The following SLC25A36 variants were observed in gnomAD, a reference collection of about 807,000 sequenced individuals.
SLC25A36 encodes epididymis secretory sperm binding protein.
SLC25A36 carries 24 observed loss-of-function variants against 35.3 expected under a neutral mutation model. The ratio of observed to expected loss-of-function variants is 0.68; its 90% CI spans 0.49 to 0.96. SLC25A36 has a LOEUF of 0.96. Among genes scored for constraint, SLC25A36 ranks in the 40% least tolerant of loss-of-function variants. The pLI is 0.00. For missense variants in SLC25A36, 294 were observed against 381.1 expected (o/e 0.77, Z 1.90); for synonymous variants, 141 against 132.2 (o/e 1.07, Z -0.46).
chr3:140,973,479 C>T (rs750028458), intron 5 of SLC25A36, among the ~76,000 whole-genome samples: 1 of 151,832 alleles, frequency 6.6e-6, no homozygotes, highest in African/African-American at 2.4e-5. Flanking sequence ...GACATGAGAC[C>T]GAAGATTCAG....
chr3:140,946,830 TG>T (rs1934178507), intron 1 of SLC25A36, among the ~76,000 whole-genome samples: 1 of 152,166 alleles, frequency 6.6e-6, no homozygotes, highest in African/African-American at 2.4e-5. Flanking sequence ...ATTGTTTAAG[TG>T]ATTGGATTAC....
chr3:140,951,095 T>G (rs1052245901), intron 1 of SLC25A36, among the ~76,000 whole-genome samples: 3 of 152,154 alleles, frequency 2.0e-5, no homozygotes, highest in Admixed American at 2.0e-4. Flanking sequence ...AACTGCTGCT[T>G]TTTGGTATTT....
intron 1 of SLC25A36, chr3:140,942,516 G>A (rs1175743171): frequency 6.3e-6 from 1 of 159,112 alleles, no homozygotes; most frequent in African/African-American, 2.4e-5. Context: ...GCAGGCGTCG[G>A]GGATCCAGGG....
chr3:140,943,785 A>G (rs895208937), intron 1 of SLC25A36, among the ~76,000 whole-genome samples: 6 of 152,230 alleles, frequency 3.9e-5, no homozygotes, highest in Non-Finnish European at 8.8e-5. Context: ...TTAGTTAAAA[A>G]TGGGGCATAC....
At position 140,941,852 on chromosome 3, in the gene SLC25A36, C is replaced by CGG; in HGVS notation, c.-202_-201dup. 1 of 509,698 alleles carries CGG rather than the reference C, an allele frequency of 2.0e-6. No homozygotes were observed. Among genetic ancestry groups the CGG allele is most frequent in the South Asian group, 2.5e-5 (1 of 39,558 alleles). The allele number at this position is 509,698 out of a possible 1,614,324, so 31.6% of individuals were successfully genotyped here. A position where few individuals can be genotyped will look rare whatever the true frequency, so the allele number is the denominator to read the frequency against. ...GTCGCTTTCAGCCTCTGGTGAAGGG[C>CGG]GGCGCGCTTAGGCAGGCGGTGGCGC... On this transcript the variant is annotated 5_prime_UTR_variant, in exon 1 of 7. Coordinates refer to ENST00000324194, the MANE Select transcript of SLC25A36 (RefSeq NM_001104647.3).
chr3:140,967,118 A>G, intron 4 of SLC25A36: 3 of 449,026 alleles, frequency 6.7e-6, no homozygotes, highest in South Asian at 4.7e-5. Context: ...TGGAATTAGA[A>G]GGCGGGAAAT....
At chr3:140,971,751 G>A (rs1019315635) in intron 5 of SLC25A36, among the ~76,000 whole-genome samples, 2 of 152,136 alleles carry the variant, frequency 1.3e-5, no homozygotes, top group East Asian at 3.9e-4. Flanking sequence ...CTTAAGTAAC[G>A]AGATGGTCCT....
rs11282181 is a variant in SLC25A36 at position 140,980,419 on chromosome 3, T to TTGTAGG, written c.*3968_*3969insTAGGTG. Among the ~76,000 whole-genome samples the TTGTAGG allele has an allele frequency of 0.99, 151,017 of 152,236 alleles. 74,926 individuals are homozygous for TTGTAGG. The highest frequency in any genetic ancestry group is 1 in the Middle Eastern group (294 of 294). On this transcript the variant is annotated 3_prime_UTR_variant, in exon 7 of 7. Coordinates refer to ENST00000324194, the MANE Select transcript of SLC25A36 (RefSeq NM_001104647.3). ...AGTTAACATCAAACATTGTCCAGTCTTGAGGAAACCAGGACGAAATATATT... is the reference window on the plus strand; with the variant it reads ...AGTTAACATCAAACATTGTCCAGTCTTGTAGGTGAGGAAACCAGGACGAAATATATT...
intron 4 of SLC25A36, among the ~76,000 whole-genome samples, chr3:140,967,785 A>G (rs1350059078): frequency 1.3e-5 from 2 of 151,934 alleles, no homozygotes; most frequent in African/African-American, 4.8e-5. Flanking sequence ...CATACTAACC[A>G]TCCTACTAAG....
chr3:140,956,293 A>C (rs1377518419), intron 1 of SLC25A36, among the ~76,000 whole-genome samples: 1 of 152,226 alleles, frequency 6.6e-6, no homozygotes, highest in African/African-American at 2.4e-5. Flanking sequence ...AGTGTTTAGC[A>C]GTTATTCTTG....
At chr3:140,945,291 C>G (rs1276238728) in intron 1 of SLC25A36, among the ~76,000 whole-genome samples, 4 of 152,198 alleles carry the variant, frequency 2.6e-5, no homozygotes, top group Non-Finnish European at 5.9e-5. Flanking sequence ...CTAATACTAT[C>G]ACCTTGGGAT....
intron 2 of SLC25A36, among the ~76,000 whole-genome samples, chr3:140,958,960 TTGTGTGTGTGTGTGTGTGTG>T (rs377492880): frequency 0.02 from 2,274 of 112,630 alleles, 107 homozygotes; most frequent in Admixed American, 0.12. Context: ...AAACAATGTT[TTGTGTGTGTGTGTGTGTGTG>T]TGTGTGTGTG....
intron 4 of SLC25A36, chr3:140,967,046 G>T (rs1158898974): frequency 2.2e-6 from 1 of 456,260 alleles, no homozygotes; most frequent in East Asian, 7.0e-5. Context: ...CGTGAGTACT[G>T]ATCTGAGCAT....
intron 1 of SLC25A36, among the ~76,000 whole-genome samples, chr3:140,946,722 T>C (rs1222377207): frequency 6.6e-6 from 1 of 152,152 alleles, no homozygotes; most frequent in Non-Finnish European, 1.5e-5. Context: ...TCAACTGAGA[T>C]GGGCAAGATT....
intron 1 of SLC25A36, among the ~76,000 whole-genome samples, chr3:140,943,847 T>G (rs1216695561): frequency 6.6e-6 from 1 of 152,202 alleles, no homozygotes; most frequent in East Asian, 1.9e-4. Context: ...CACTTTGGAT[T>G]AGGATCATCA....
At chr3:140,954,989 T>A (rs565422202) in intron 1 of SLC25A36, among the ~76,000 whole-genome samples, 6 of 152,254 alleles carry the variant, frequency 3.9e-5, no homozygotes, top group Non-Finnish European at 8.8e-5. Context: ...TAAACTTAGG[T>A]CTGTGATCCA....
intron 4 of SLC25A36, chr3:140,965,510 A>G (rs1934737724): frequency 6.6e-6 from 1 of 151,812 alleles, no homozygotes; most frequent in East Asian, 1.9e-4. Context: ...ACTGTACGTA[A>G]TTTTTATTCC....
chr3:140,963,488 A>G (rs72991048), intron 4 of SLC25A36: 257 of 258,494 alleles, frequency 9.9e-4, no homozygotes, highest in African/African-American at 5.7e-3. Context: ...TTTAGTGATC[A>G]TTGTTAACAG....
In SLC25A36 at chr3:140,941,837, G is replaced by T; in HGVS notation, c.-218G>T. 1 of 515,890 alleles carries T rather than the reference G, an allele frequency of 1.9e-6. No individual in the cohort carries two copies. The highest frequency in any genetic ancestry group is 3.5e-6 in the Non-Finnish European group (1 of 289,336). The allele number at this position is 515,890 out of a possible 1,614,324, so 32.0% of individuals were successfully genotyped here. A position where few individuals can be genotyped will look rare whatever the true frequency, so the allele number is the denominator to read the frequency against. On this transcript the variant is annotated 5_prime_UTR_variant, in exon 1 of 7. Coordinates refer to ENST00000324194, the MANE Select transcript of SLC25A36 (RefSeq NM_001104647.3). Reference sequence around the variant, plus strand: ...GTCGCGCTGCGCTGCGTCGCTTTCAGCCTCTGGTGAAGGGCGGCGCGCTTA... The same window carrying T: ...GTCGCGCTGCGCTGCGTCGCTTTCATCCTCTGGTGAAGGGCGGCGCGCTTA...
Sources: allele counts gnomAD v4.1 joint callset (sites outside exome capture counted in the v4.1 genomes callset), GRCh38; gene constraint gnomAD v4.1.1; transcripts MANE v1.5; gene names NCBI Gene and HGNC (gene_info 2026-07-23, HGNC 2026-07-21).